Variants in ASIC2 observed in about 807,000 individuals in gnomAD.
The protein encoded by ASIC2 is acid sensing ion channel subunit 2, also known as acid-sensing ion channel 2.
Under a neutral mutation model 57.3 loss-of-function variants are expected in ASIC2, and 25 were observed. That is an observed-to-expected ratio of 0.44 (90% CI 0.32 to 0.61). The LOEUF (loss-of-function observed/expected upper bound fraction) is 0.61, where lower values mean the gene tolerates loss of function less well. Among genes scored for constraint, ASIC2 ranks in the 20% least tolerant of loss-of-function variants. The probability of loss-of-function intolerance (pLI) is 0.06; values close to 1 mark genes in which losing one functional copy is unlikely to be tolerated. For missense variants in ASIC2, 641 were observed against 738.1 expected, an observed-to-expected ratio of 0.87 and a Z score of 1.52; for synonymous variants, 319 against 307.5, an observed-to-expected ratio of 1.04 and a Z score of -0.39.
In ASIC2 at chr17:33,192,735, G is replaced by C. The variant is rs1597623689; in HGVS notation, c.709-80668C>G. The stretch of plus-strand genomic sequence containing the variant: ...TGATTTTGAGAGGAGAAATCGGAAA[G>C]CTGCCTCTCTGATGCAATTTCTCAT... On this transcript the variant is annotated intron_variant, in intron 1 of 9. Transcript: ENST00000225823. Among the ~76,000 whole-genome samples, 3 of 152,200 alleles carry C rather than the reference G, an allele frequency of 2.0e-5. 1 individual carries two copies. Among genetic ancestry groups the C allele is most frequent in the Admixed American group, 2.0e-4 (3 of 15,280 alleles).
intron 3 of ASIC2, among the ~76,000 whole-genome samples, chr17:33,081,130 CA>C (rs2092111627): frequency 6.6e-6 from 1 of 152,170 alleles, no homozygotes; most frequent in Non-Finnish European, 1.5e-5. Context: ...GTGCTAAGCA[CA>C]ATACCTAGCT....
At chr17:33,847,334 C>A (rs1052080211) in intron 1 of ASIC2, among the ~76,000 whole-genome samples, 5 of 152,056 alleles carry the variant, frequency 3.3e-5, no homozygotes, top group African/African-American at 1.2e-4. Flanking sequence ...CTTCATCCAA[C>A]TCTCTGCCAT....
intron 1 of ASIC2, among the ~76,000 whole-genome samples, chr17:33,300,304 C>A (rs1905902828): frequency 6.6e-6 from 1 of 151,944 alleles, no homozygotes; most frequent in African/African-American, 2.4e-5. Context: ...TCATGTTCTT[C>A]ACACCTTTTT....
At chr17:33,894,335 G>A (rs12948106) in intron 1 of ASIC2, among the ~76,000 whole-genome samples, 64,185 of 133,344 alleles carry the variant, frequency 0.48, 14,454 homozygotes, top group East Asian at 0.62. Context: ...CTCTGCGTGC[G>A]TGCGTGCGTG....
At chr17:33,190,719 A>C (rs1487539143) in intron 1 of ASIC2, among the ~76,000 whole-genome samples, 1 of 152,216 alleles carries the variant, frequency 6.6e-6, no homozygotes, top group Admixed American at 6.5e-5. Flanking sequence ...GTTGATCTAC[A>C]TGAATAACAT....
At chr17:33,236,993 C>T (rs2142114804) in intron 1 of ASIC2, among the ~76,000 whole-genome samples, 1 of 152,190 alleles carries the variant, frequency 6.6e-6, no homozygotes, top group South Asian at 2.1e-4. Flanking sequence ...ATTATAGCAG[C>T]CCTAAGACAG....
intron 1 of ASIC2, among the ~76,000 whole-genome samples, chr17:33,916,491 C>T (rs1915588896): frequency 6.6e-6 from 1 of 152,158 alleles, no homozygotes; most frequent in Non-Finnish European, 1.5e-5. Flanking sequence ...TCCCTATTTG[C>T]TAGTCTTTTC....
At chr17:33,552,051 A>G (rs1468104777) in intron 1 of ASIC2, among the ~76,000 whole-genome samples, 1 of 152,194 alleles carries the variant, frequency 6.6e-6, no homozygotes, top group Admixed American at 6.5e-5. Context: ...ACAGCATGGA[A>G]CACATTAAAA....
intron 3 of ASIC2, among the ~76,000 whole-genome samples, chr17:33,031,176 T>A (rs951533394): frequency 1.1e-4 from 16 of 152,184 alleles, no homozygotes; most frequent in African/African-American, 3.9e-4. Flanking sequence ...TAATTATGAA[T>A]TCAACTCTTT....
intron 1 of ASIC2, among the ~76,000 whole-genome samples, chr17:33,229,631 A>T (rs1908015611): frequency 6.6e-6 from 1 of 152,228 alleles, no homozygotes; most frequent in Admixed American, 6.5e-5. Flanking sequence ...GTGAGCACAC[A>T]CATGGAGACA....
chr17:33,075,880 A>G (rs1030707676), intron 3 of ASIC2, among the ~76,000 whole-genome samples: 2 of 152,238 alleles, frequency 1.3e-5, no homozygotes, highest in Non-Finnish European at 2.9e-5. Flanking sequence ...AGGACATCCC[A>G]GTGGTACAGC....
chr17:33,662,668 T>TACATAAAA (rs1555550518), intron 1 of ASIC2, among the ~76,000 whole-genome samples: 9,664 of 128,074 alleles, frequency 0.075, 476 homozygotes, highest in Admixed American at 0.16. Context: ...AATAAATAAA[T>TACATAAAA]AAGTAAAATA....
chr17:33,924,518 G>A (rs1915782238), intron 1 of ASIC2, among the ~76,000 whole-genome samples: 1 of 152,150 alleles, frequency 6.6e-6, no homozygotes, highest in Non-Finnish European at 1.5e-5. Flanking sequence ...CCTTTAACTG[G>A]GAGCCTCTCT....
At chr17:33,464,633 T>C (rs12937545) in intron 1 of ASIC2, among the ~76,000 whole-genome samples, 3 of 147,444 alleles carry the variant, frequency 2.0e-5, no homozygotes, top group Non-Finnish European at 1.5e-5. Flanking sequence ...CTTTTTCTTT[T>C]CTTTTTATTT....
intron 1 of ASIC2, chr17:33,955,085 C>T (rs886817863): frequency 6.6e-6 from 1 of 152,244 alleles, no homozygotes; most frequent in African/African-American, 2.4e-5. Flanking sequence ...TTATTTTTGC[C>T]ATTTTACAGA....
At chr17:33,499,083 G>T (rs1914026282) in intron 1 of ASIC2, among the ~76,000 whole-genome samples, 1 of 152,144 alleles carries the variant, frequency 6.6e-6, no homozygotes, top group Non-Finnish European at 1.5e-5. Context: ...TGTGTGGTTT[G>T]CCTCCCCAGC....
chr17:33,386,590 C>A (rs1446857999), intron 1 of ASIC2, among the ~76,000 whole-genome samples: 1 of 152,174 alleles, frequency 6.6e-6, no homozygotes, highest in African/African-American at 2.4e-5. Flanking sequence ...TGCAGCCATC[C>A]CTCACCTGGA....
chr17:34,150,400 C>CA (rs1479407257), intron 1 of ASIC2, among the ~76,000 whole-genome samples: 1 of 151,976 alleles, frequency 6.6e-6, no homozygotes, highest in African/African-American at 2.4e-5. Flanking sequence ...GTGTTCTTAC[C>CA]ATCCCCCCAA....
rs979336767 is a variant in ASIC2 at position 34,087,540 on chromosome 17, G to T, written c.555+68438C>A. Among the ~76,000 whole-genome samples, 11 of 150,004 alleles carry T rather than the reference G, an allele frequency of 7.3e-5. No individual in the cohort carries two copies. The East Asian group carries it at 9.7e-4, about 13-fold the overall frequency. ...GTCTTGGAGTTGCTCTTCTCGAGGA[G>T]TATCTTTGTGGCGTTCTCTCTATTT... On this transcript the variant is annotated intron_variant, in intron 1 of 9. Transcript: ENST00000359872.
Sources: allele counts gnomAD v4.1 joint callset (sites outside exome capture counted in the v4.1 genomes callset), GRCh38; gene constraint gnomAD v4.1.1; transcripts MANE v1.5; gene names NCBI Gene and HGNC (gene_info 2026-07-23, HGNC 2026-07-21).